Variants in NBAS observed in about 807,000 individuals in gnomAD.
The protein encoded by NBAS is NBAS subunit of NRZ tethering complex.
A neutral mutation model predicts 302.5 loss-of-function variants in NBAS; 219 were observed. That is an observed-to-expected ratio of 0.72 (90% CI 0.65 to 0.81). The LOEUF (loss-of-function observed/expected upper bound fraction) is 0.81, where lower values mean the gene tolerates loss of function less well. Ranked by LOEUF, NBAS falls within the 30% of genes least tolerant of loss-of-function variation. NBAS has a pLI of 0.00. For missense variants in NBAS, 2,932 were observed against 2,841.6 expected (o/e 1.03, Z -0.72); for synonymous variants, 1,118 against 1,021.6 (o/e 1.09, Z -1.80).
At chr2:14,901,460 G>T in the NBAS span, among the ~76,000 whole-genome samples, 8 of 151,808 alleles carry the variant, frequency 5.3e-5, no homozygotes, top group Non-Finnish European at 1.0e-4. Context: ...AATCGGAAGG[G>T]TAATTTTTTA....
chr2:15,376,849 G>C (rs1360327856), intron 30 of NBAS, among the ~76,000 whole-genome samples: 1 of 152,138 alleles, frequency 6.6e-6, no homozygotes, highest in African/African-American at 2.4e-5. Flanking sequence ...GTTGCAATCA[G>C]TGAGGTGCCA....
At chr2:14,810,529 T>C in the NBAS span, among the ~76,000 whole-genome samples, 1 of 152,196 alleles carries the variant, frequency 6.6e-6, no homozygotes, top group African/African-American at 2.4e-5. Context: ...GAACTATAAG[T>C]CCAATTAAAT....
At chr2:15,143,367 T>C in the NBAS span, among the ~76,000 whole-genome samples, 6 of 152,218 alleles carry the variant, frequency 3.9e-5, no homozygotes, top group South Asian at 2.1e-4. Flanking sequence ...AGCACCTTCA[T>C]GTTGCAGGGG....
At chr2:15,185,191 C>T (rs1042791546) in intron 50 of NBAS, among the ~76,000 whole-genome samples, 2 of 152,130 alleles carry the variant, frequency 1.3e-5, no homozygotes, top group Non-Finnish European at 2.9e-5. Flanking sequence ...GACCTCAAAC[C>T]CTCCAATCCA....
chr2:14,843,337 TAAAC>T, the NBAS span, among the ~76,000 whole-genome samples: 263 of 152,118 alleles, frequency 1.7e-3, no homozygotes, highest in African/African-American at 6.1e-3. Flanking sequence ...GCAAGAGAAA[TAAAC>T]AAAGGGCACA....
the NBAS span, among the ~76,000 whole-genome samples, chr2:14,857,380 A>G: frequency 4.6e-4 from 70 of 152,298 alleles, no homozygotes; most frequent in African/African-American, 1.5e-3. Flanking sequence ...TCATAAGCAA[A>G]AAAGAAAAAA....
At chr2:15,441,035 G>A (rs1159352243) in intron 21 of NBAS, among the ~76,000 whole-genome samples, 1 of 152,188 alleles carries the variant, frequency 6.6e-6, no homozygotes, top group Non-Finnish European at 1.5e-5. Context: ...TCTGATTGGT[G>A]TACCTGAAAG....
At chr2:15,299,203 C>G (rs1670687160) in intron 40 of NBAS, among the ~76,000 whole-genome samples, 2 of 152,150 alleles carry the variant, frequency 1.3e-5, no homozygotes, top group African/African-American at 4.8e-5. Flanking sequence ...CAAAAACTAA[C>G]AGCATAAAAA....
chr2:15,051,029 T>C, the NBAS span, among the ~76,000 whole-genome samples: 3 of 152,174 alleles, frequency 2.0e-5, no homozygotes, highest in Non-Finnish European at 4.4e-5. Flanking sequence ...GCATATTACT[T>C]ATCCTTTTCT....
At chr2:15,140,719 G>A in the NBAS span, among the ~76,000 whole-genome samples, 3 of 152,186 alleles carry the variant, frequency 2.0e-5, no homozygotes, top group Non-Finnish European at 2.9e-5. Context: ...TGGGGTCCTT[G>A]GGGCAGATGC....
chr2:14,838,990 A>C, the NBAS span, among the ~76,000 whole-genome samples: 1 of 152,020 alleles, frequency 6.6e-6, no homozygotes, highest in Non-Finnish European at 1.5e-5. Flanking sequence ...GTTTTCAAGA[A>C]GCTTGACATT....
chr2:15,361,283 T>C (rs528327808), intron 32 of NBAS, among the ~76,000 whole-genome samples: 2 of 151,736 alleles, frequency 1.3e-5, no homozygotes, highest in African/African-American at 4.8e-5. Flanking sequence ...GAGGCCGAGG[T>C]GGGTGGATCA....
At chr2:14,822,043 A>T in the NBAS span, among the ~76,000 whole-genome samples, 1 of 151,810 alleles carries the variant, frequency 6.6e-6, no homozygotes, top group Non-Finnish European at 1.5e-5. Context: ...AACAATGAAA[A>T]AAAAAATGTA....
At chr2:15,547,935 GTCT>G (rs1214495130) in intron 6 of NBAS, among the ~76,000 whole-genome samples, 2 of 152,118 alleles carry the variant, frequency 1.3e-5, no homozygotes, top group Non-Finnish European at 2.9e-5. Flanking sequence ...AGGCAAACAG[GTCT>G]TCTTATCCAC....
chr2:15,507,612 A>T (rs1355749237), intron 10 of NBAS, among the ~76,000 whole-genome samples: 1 of 152,232 alleles, frequency 6.6e-6, no homozygotes, highest in Non-Finnish European at 1.5e-5. Flanking sequence ...GATAAGGTGG[A>T]ATTCAAACAC....
chr2:15,098,041 G>C, the NBAS span, among the ~76,000 whole-genome samples: 3 of 4,672 alleles, frequency 6.4e-4, no homozygotes, highest in Non-Finnish European at 1.2e-3. Context: ...ATATTATATT[G>C]TATATAATAT....
chr2:14,914,772 T>G, the NBAS span, among the ~76,000 whole-genome samples: 33 of 152,200 alleles, frequency 2.2e-4, no homozygotes, highest in African/African-American at 7.7e-4. Flanking sequence ...GTAACTTCCC[T>G]GAGATAAGCG....
intron 41 of NBAS, among the ~76,000 whole-genome samples, chr2:15,289,556 T>A (rs1170168359): frequency 1.3e-5 from 2 of 152,210 alleles, no homozygotes; most frequent in Non-Finnish European, 2.9e-5. Flanking sequence ...AGGACTGATA[T>A]CTTTATCTCT....
chr2:15,464,179 T>C (rs1049775379), intron 19 of NBAS, among the ~76,000 whole-genome samples: 5 of 152,186 alleles, frequency 3.3e-5, no homozygotes, highest in Non-Finnish European at 5.9e-5. Context: ...AATAGATAAT[T>C]AGTGCTGTTC....
Sources: gnomAD v4.1 joint callset for allele counts (sites outside exome capture counted in the v4.1 genomes callset) on GRCh38, gnomAD v4.1.1 for gene constraint, MANE v1.5 for transcripts, NCBI Gene and HGNC (gene_info 2026-07-23, HGNC 2026-07-21) for gene names.